RPS6KA2: variants seen among roughly 807,000 people sequenced by gnomAD.
RPS6KA2 encodes ribosomal protein S6 kinase alpha-2.
RPS6KA2 carries 42 observed loss-of-function variants against 91.8 expected under a neutral mutation model. That is an observed-to-expected ratio of 0.46 (90% CI 0.36 to 0.59). The LOEUF (loss-of-function observed/expected upper bound fraction) is 0.59. Among genes scored for constraint, RPS6KA2 ranks in the 20% least tolerant of loss-of-function variants. The pLI, the probability that RPS6KA2 is intolerant of heterozygous loss-of-function variation, is 0.00. For synonymous variants in RPS6KA2, 414 were observed against 393.6 expected, an observed-to-expected ratio of 1.05 and a Z score of -0.61; for missense variants, 798 against 978.5, an observed-to-expected ratio of 0.82 and a Z score of 2.46.
intron 2 of RPS6KA2, among the ~76,000 whole-genome samples, chr6:166,819,529 A>G (rs1779850903): frequency 6.6e-6 from 1 of 152,176 alleles, no homozygotes; most frequent in South Asian, 2.1e-4. Flanking sequence ...CGTGTTTTCC[A>G]TCTGCATTGA....
chr6:166,653,304 G>A (rs1012385557), intron 2 of RPS6KA2, among the ~76,000 whole-genome samples: 8 of 152,048 alleles, frequency 5.3e-5, no homozygotes, highest in East Asian at 3.9e-4. Flanking sequence ...CATGTAATCC[G>A]CCCGCCTCAG....
At chr6:166,545,738 G>C (rs117079031) in intron 1 of RPS6KA2, among the ~76,000 whole-genome samples, 9,303 of 152,180 alleles carry the variant, frequency 0.061, 418 homozygotes, top group Middle Eastern at 0.17. Context: ...TGTTGTTCCC[G>C]TGGATTATTT....
chr6:166,505,196 C>T (rs928097105), intron 5 of RPS6KA2, among the ~76,000 whole-genome samples: 16 of 147,194 alleles, frequency 1.1e-4, no homozygotes, highest in African/African-American at 3.0e-4. Flanking sequence ...GCTGAGGGGG[C>T]GGGATGGGGA....
chr6:166,692,521 A>G (rs1789240727), intron 2 of RPS6KA2, among the ~76,000 whole-genome samples: 1 of 152,220 alleles, frequency 6.6e-6, no homozygotes, highest in South Asian at 2.1e-4. Context: ...AAGTTTAAAG[A>G]TACATAGGAA....
At chr6:166,684,762 C>A (rs1161030653) in intron 2 of RPS6KA2, among the ~76,000 whole-genome samples, 1 of 152,210 alleles carries the variant, frequency 6.6e-6, no homozygotes, top group Non-Finnish European at 1.5e-5. Context: ...ATCGCTTTTA[C>A]CTCCCAACTT....
At chr6:166,742,844 G>A (rs763419386) in intron 2 of RPS6KA2, among the ~76,000 whole-genome samples, 1 of 152,198 alleles carries the variant, frequency 6.6e-6, no homozygotes, top group South Asian at 2.1e-4. Context: ...GCAAAACACT[G>A]AGAAGCCAGA....
At chr6:166,589,750 T>C (rs1023138788) in intron 1 of RPS6KA2, among the ~76,000 whole-genome samples, 5 of 152,232 alleles carry the variant, frequency 3.3e-5, no homozygotes, top group Non-Finnish European at 5.9e-5. Flanking sequence ...CTATCAGTCT[T>C]ACAGAAGACT....
Position 166,563,025 on chromosome 6 carries a change from T to C in RPS6KA2, c.100-24241A>G, listed in dbSNP as rs1289048960. Among the ~76,000 whole-genome samples, 2 of 152,144 alleles carry C rather than the reference T, an allele frequency of 1.3e-5. No individual in the cohort carries two copies. The highest frequency in any genetic ancestry group is 4.8e-5 in the African/African-American group (2 of 41,438). ...AACAGCGCAAAAGGTAACATCCAAG[T>C]CACAACAGGAGTCCAGAGGGTCCTG... On this transcript the variant is annotated intron_variant, in intron 1 of 20. Transcript: ENST00000265678. The surrounding 1 kb of genome is among the most constrained non-coding windows in gnomAD (Gnocchi z 4.1).
chr6:166,555,723 G>A (rs1246224575), intron 1 of RPS6KA2, among the ~76,000 whole-genome samples: 2 of 152,066 alleles, frequency 1.3e-5, no homozygotes, highest in Non-Finnish European at 2.9e-5. Flanking sequence ...CATGTTTGAG[G>A]TTTCATCATT....
At chr6:166,677,960 T>G (rs1788665746) in intron 2 of RPS6KA2, among the ~76,000 whole-genome samples, 1 of 152,222 alleles carries the variant, frequency 6.6e-6, no homozygotes, top group South Asian at 2.1e-4. Flanking sequence ...AGCAAATGAG[T>G]GTGACTGTCA....
At position 166,508,717 on chromosome 6, in the gene RPS6KA2, C is replaced by G. The variant is rs887103396; in HGVS notation, c.380-435G>C. ...GGAAGTGCCTTCTTCTTACAGAACT[C>G]CACTCTGGTACCAGGGAGCCCCCCG... On this transcript the variant is annotated intron_variant, in intron 4 of 20. Coordinates refer to ENST00000265678, the MANE Select transcript of RPS6KA2 (RefSeq NM_021135.6). The surrounding 1 kb of genome is among the most constrained non-coding windows in gnomAD (Gnocchi z 4.3). 2.6e-5 allele frequency among the ~76,000 whole-genome samples: 4 copies of G among 152,190 alleles called. No homozygotes were observed. Among genetic ancestry groups the G allele is most frequent in the African/African-American group, 9.7e-5 (4 of 41,434 alleles).
intron 1 of RPS6KA2, among the ~76,000 whole-genome samples, chr6:166,559,313 A>G (rs1470430939): frequency 6.6e-6 from 1 of 152,226 alleles, no homozygotes; most frequent in Non-Finnish European, 1.5e-5. Flanking sequence ...GGATAGAGGC[A>G]TGTAACAGGA....
At chr6:166,798,843 G>A (rs1489998373) in intron 2 of RPS6KA2, among the ~76,000 whole-genome samples, 1 of 152,112 alleles carries the variant, frequency 6.6e-6, no homozygotes, top group East Asian at 1.9e-4. Flanking sequence ...TGTTCCTGGT[G>A]GTGGCGCCCT....
intron 2 of RPS6KA2, among the ~76,000 whole-genome samples, chr6:166,791,667 C>G (rs1359060545): frequency 6.6e-6 from 1 of 152,064 alleles, no homozygotes; most frequent in Admixed American, 6.5e-5. Flanking sequence ...CAAACTGTCT[C>G]TCAGACCACA....
chr6:166,815,327 G>A (rs370003434), intron 2 of RPS6KA2, among the ~76,000 whole-genome samples: 3 of 152,296 alleles, frequency 2.0e-5, no homozygotes, highest in African/African-American at 7.2e-5. Flanking sequence ...GGCACTACTA[G>A]ACCTCTGATC....
intron 1 of RPS6KA2, among the ~76,000 whole-genome samples, chr6:166,621,037 GC>G (rs1297883878): frequency 1.3e-5 from 2 of 152,334 alleles, no homozygotes; most frequent in Non-Finnish European, 2.9e-5. Flanking sequence ...AAACCACCCA[GC>G]CTGGGGAGCT....
intron 1 of RPS6KA2, among the ~76,000 whole-genome samples, chr6:166,587,321 C>T (rs929799084): frequency 1.3e-5 from 2 of 152,296 alleles, no homozygotes; most frequent in East Asian, 3.9e-4. Context: ...ACTAGAGATT[C>T]GTATCTGCTT....
chr6:166,550,873 C>T (rs527876456), intron 1 of RPS6KA2, among the ~76,000 whole-genome samples: 35 of 151,576 alleles, frequency 2.3e-4, no homozygotes, highest in Admixed American at 6.6e-4. Flanking sequence ...TGGTGGCGGG[C>T]GCCTGTAGTC....
intron 2 of RPS6KA2, among the ~76,000 whole-genome samples, chr6:166,793,022 A>T (rs1456655552): frequency 1.3e-5 from 2 of 152,032 alleles, no homozygotes; most frequent in East Asian, 3.8e-4. Context: ...AGGCAGGAGA[A>T]GGAAATAAAG....
Sources: gnomAD v4.1 joint callset for allele counts (sites outside exome capture counted in the v4.1 genomes callset) on GRCh38, gnomAD v4.1.1 for gene constraint, Gnocchi (gnomAD v3.1) non-coding constraint, MANE v1.5 for transcripts, NCBI Gene and HGNC (gene_info 2026-07-23, HGNC 2026-07-21) for gene names.